Variants in LRP1B observed in about 807,000 individuals in gnomAD.
LRP1B encodes LDL receptor related protein 1B, also known as low-density lipoprotein receptor-related protein 1B.
In LRP1B, 217 loss-of-function variants were observed where a neutral mutation model predicts 556.6. The ratio of observed to expected loss-of-function variants is 0.39; its 90% CI spans 0.35 to 0.44. The LOEUF (loss-of-function observed/expected upper bound fraction) is 0.44. Ranked by LOEUF, LRP1B falls within the 20% of genes least tolerant of loss-of-function variation. The pLI is 1.00. For synonymous variants in LRP1B, 2,047 were observed against 1,865.8 expected (o/e 1.10, Z -2.50); for missense variants, 5,053 against 5,620.8 (o/e 0.90, Z 3.23).
intron 1 of LRP1B, among the ~76,000 whole-genome samples, chr2:141,980,267 A>G (rs1027986383): frequency 6.6e-6 from 1 of 152,112 alleles, no homozygotes; most frequent in Non-Finnish European, 1.5e-5. Context: ...AAAAGGAATA[A>G]CATGAACAGT....
intron 11 of LRP1B, among the ~76,000 whole-genome samples, chr2:141,025,308 A>G (rs1050261134): frequency 1.3e-5 from 2 of 152,044 alleles, no homozygotes; most frequent in Admixed American, 6.6e-5. Context: ...CTGGATTCCA[A>G]GCTATTGTTC....
At chr2:140,331,686 C>CATATATATATATATATATAT (rs10571873) in intron 79 of LRP1B, among the ~76,000 whole-genome samples, 32 of 143,062 alleles carry the variant, frequency 2.2e-4, no homozygotes, top group African/African-American at 7.9e-4. Flanking sequence ...TATATATATA[C>CATATATATATATATATATAT]ATATATATAT....
At chr2:140,641,731 A>G (rs1428482381) in intron 41 of LRP1B, among the ~76,000 whole-genome samples, 1 of 152,310 alleles carries the variant, frequency 6.6e-6, no homozygotes, top group East Asian at 1.9e-4. Flanking sequence ...CTGGTAAGTG[A>G]CTTTTTTCTG....
chr2:142,045,644 A>G (rs775491558), intron 1 of LRP1B, among the ~76,000 whole-genome samples: 7 of 151,918 alleles, frequency 4.6e-5, no homozygotes, highest in East Asian at 1.9e-4. Flanking sequence ...CTGACATAAT[A>G]TCTAATATAT....
chr2:140,433,757 A>C (rs1478369825), intron 66 of LRP1B, among the ~76,000 whole-genome samples: 2 of 152,098 alleles, frequency 1.3e-5, no homozygotes, highest in East Asian at 3.9e-4. Context: ...CTATTAATCG[A>C]AATATAGTTT....
intron 1 of LRP1B, among the ~76,000 whole-genome samples, chr2:142,039,225 GCCTTGGTCAAAATATA>G (rs1305531783): frequency 6.6e-6 from 1 of 151,426 alleles, no homozygotes. Flanking sequence ...ATGATAAATT[GCCTTGGTCAAAATATA>G]CCTCAGTGAG....
At chr2:141,687,502 T>G (rs1414705500) in intron 2 of LRP1B, among the ~76,000 whole-genome samples, 1 of 152,000 alleles carries the variant, frequency 6.6e-6, no homozygotes, top group Non-Finnish European at 1.5e-5. Flanking sequence ...AATACTAAAT[T>G]ATTTTACACT....
chr2:140,333,723 C>G (rs767135071), intron 79 of LRP1B, among the ~76,000 whole-genome samples: 4 of 151,950 alleles, frequency 2.6e-5, no homozygotes, highest in Non-Finnish European at 5.9e-5. Flanking sequence ...GCACAGAGCC[C>G]TTGAGGCTCC....
intron 60 of LRP1B, among the ~76,000 whole-genome samples, chr2:140,457,996 A>G (rs750862915): frequency 6.6e-6 from 1 of 152,076 alleles, no homozygotes; most frequent in African/African-American, 2.4e-5. Context: ...GTGTATATAC[A>G]TATACATATA....
intron 7 of LRP1B, among the ~76,000 whole-genome samples, chr2:141,109,016 G>T (rs1044296107): frequency 6.6e-6 from 1 of 152,168 alleles, no homozygotes; most frequent in Admixed American, 6.5e-5. Context: ...TGCAAGATTT[G>T]CAACTTCCAC....
chr2:140,795,668 C>T (rs370666952), intron 32 of LRP1B, among the ~76,000 whole-genome samples: 37 of 151,916 alleles, frequency 2.4e-4, no homozygotes, highest in East Asian at 1.7e-3. Flanking sequence ...TATATAGCCC[C>T]CAAAATTTCT....
intron 2 of LRP1B, among the ~76,000 whole-genome samples, chr2:141,601,393 T>C (rs1687733528): frequency 1.3e-5 from 2 of 152,152 alleles, no homozygotes; most frequent in Admixed American, 1.3e-4. Flanking sequence ...GGATTCAACA[T>C]ATGAATGCAG....
chr2:140,752,636 T>C (rs1286013073), intron 35 of LRP1B, among the ~76,000 whole-genome samples: 1 of 152,222 alleles, frequency 6.6e-6, no homozygotes, highest in African/African-American at 2.4e-5. Context: ...AATCTCACAT[T>C]TTATATACAT....
chr2:140,789,699 C>T (rs1434855197), intron 32 of LRP1B, among the ~76,000 whole-genome samples: 1 of 128,210 alleles, frequency 7.8e-6, no homozygotes, highest in East Asian at 2.4e-4. Flanking sequence ...GGCGGGATCT[C>T]GGCTCACTGC....
At chr2:141,558,720 C>T (rs569943372) in intron 2 of LRP1B, among the ~76,000 whole-genome samples, 108 of 151,814 alleles carry the variant, frequency 7.1e-4, no homozygotes, top group Admixed American at 2.8e-3. Flanking sequence ...ACTATGTTTA[C>T]GCACTAATGG....
chr2:140,262,239 C>T (rs1357335767), intron 86 of LRP1B, among the ~76,000 whole-genome samples: 2 of 152,080 alleles, frequency 1.3e-5, no homozygotes, highest in Non-Finnish European at 2.9e-5. Context: ...CACCATATAT[C>T]ACAGTGGTAC....
At chr2:141,365,968 C>T (rs779672380) in intron 3 of LRP1B, among the ~76,000 whole-genome samples, 8 of 152,118 alleles carry the variant, frequency 5.3e-5, no homozygotes, top group African/African-American at 9.7e-5. Flanking sequence ...CCACCGCACC[C>T]GGCCAACAAG....
intron 2 of LRP1B, among the ~76,000 whole-genome samples, chr2:141,679,857 A>G (rs1691041490): frequency 6.6e-6 from 1 of 151,534 alleles, no homozygotes; most frequent in East Asian, 1.9e-4. Context: ...TTATACTTTT[A>G]TATAGATATG....
At chr2:141,621,918 C>T (rs1688518359) in intron 2 of LRP1B, among the ~76,000 whole-genome samples, 1 of 151,972 alleles carries the variant, frequency 6.6e-6, no homozygotes, top group Admixed American at 6.6e-5. Context: ...TGAGATGTTG[C>T]TTTGATCTTG....
Sources: gnomAD v4.1 joint callset for allele counts (sites outside exome capture counted in the v4.1 genomes callset) on GRCh38, gnomAD v4.1.1 for gene constraint, MANE v1.5 for transcripts, NCBI Gene and HGNC (gene_info 2026-07-23, HGNC 2026-07-21) for gene names.